NPEPL1: variants seen among roughly 807,000 people sequenced by gnomAD.
The protein encoded by NPEPL1 is probable aminopeptidase NPEPL1.
NPEPL1 carries 45 observed loss-of-function variants against 52.4 expected under a neutral mutation model. The observed-to-expected ratio is 0.86, with a 90% CI of 0.68 to 1.10. The LOEUF (loss-of-function observed/expected upper bound fraction) is 1.10, where lower values mean the gene tolerates loss of function less well. Ranked by LOEUF, NPEPL1 falls within the 50% of genes least tolerant of loss-of-function variation. The probability of loss-of-function intolerance (pLI) is 0.00; values close to 1 mark genes in which losing one functional copy is unlikely to be tolerated. For missense variants in NPEPL1, 696 were observed against 710.9 expected (o/e 0.98, Z 0.24); for synonymous variants, 360 against 314.7 (o/e 1.14, Z -1.52).
At chr20:58,697,016 C>T (rs745942961) in intron 3 of NPEPL1, among the ~76,000 whole-genome samples, 8 of 152,242 alleles carry the variant, frequency 5.3e-5, no homozygotes, top group Non-Finnish European at 1.0e-4. Context: ...ACCTTCCAGT[C>T]CCCACCCAGG....
Position 58,713,399 on chromosome 20 carries a change from G to T in NPEPL1, c.1002-21G>T. ...TCCCAGGAAATCCCGTCCCTGAGCG[G>T]GGATCTCTACCATGCCCCAGGACGG... On this transcript the variant is annotated intron_variant, in intron 8 of 11. Coordinates refer to ENST00000356091, the MANE Select transcript of NPEPL1 (RefSeq NM_024663.4). This position sits in a 1 kb window ranked among gnomAD's most constrained non-coding sequence, Gnocchi z 4.6. 6.3e-7 allele frequency: 1 copy of T among 1,580,168 alleles called. No homozygotes were observed. The highest frequency in any genetic ancestry group is 2.3e-5 in the East Asian group (1 of 43,556).
chr20:58,694,367 G>A (rs887170968), intron 2 of NPEPL1, 55 bp from the exon 3 acceptor site: 11 of 1,528,606 alleles, frequency 7.2e-6, no homozygotes, highest in Non-Finnish European at 8.8e-6. Context: ...GCAGCTCCCT[G>A]CACTCCCTGG....
chr20:58,689,187 T>C (rs1475946262), upstream of NPEPL1: 2 of 152,274 alleles, frequency 1.3e-5, no homozygotes, highest in Non-Finnish European at 2.9e-5. Context: ...TCCAGTTACT[T>C]GCAAGGTCAA....
At chr20:58,704,328 C>T (rs934983930) in intron 6 of NPEPL1, 1 of 985,428 alleles carries the variant, frequency 1.0e-6, no homozygotes, top group East Asian at 1.1e-4. Context: ...ATTTCAAGGG[C>T]AGCTCAAGAC....
intron 11 of NPEPL1, 56 bp from the exon 12 acceptor site, chr20:58,715,112 C>A: frequency 6.5e-7 from 1 of 1,529,470 alleles, no homozygotes; most frequent in Admixed American, 2.1e-5. Context: ...TCCCCAGGAA[C>A]CCCTCCTGTG....
At chr20:58,710,196 G>C (rs1160998365) in intron 7 of NPEPL1, among the ~76,000 whole-genome samples, 2 of 152,018 alleles carry the variant, frequency 1.3e-5, no homozygotes, top group East Asian at 1.9e-4. Flanking sequence ...CACCACCCTT[G>C]GCTAATTTTT....
upstream of NPEPL1, chr20:58,691,317 C>G (rs926923845): frequency 1.1e-5 from 5 of 435,664 alleles, no homozygotes; most frequent in African/African-American, 2.2e-5. Flanking sequence ...ACTTTTATGT[C>G]GGGAAAGCTG....
At position 58,714,014 on chromosome 20, in the gene NPEPL1, T is replaced by G. The variant is rs1215584713; in HGVS notation, c.1223T>G (p.Val408Gly). 1 of 1,527,550 alleles carries G rather than the reference T, an allele frequency of 6.5e-7. No individual in the cohort carries two copies. Among genetic ancestry groups the G allele is most frequent in the East Asian group, 2.5e-5 (1 of 40,096 alleles). The allele number at this position is 1,527,550 out of a possible 1,614,324, so 94.6% of individuals were successfully genotyped here. A position where few individuals can be genotyped will look rare whatever the true frequency, so the allele number is the denominator to read the frequency against. ...GCGGGCAGGAAGTGTGGGGACCTGG[T>G]GCACCCGCTGGTCTACTGCCCCGAG... Reference protein sequence around the residue: ...VKAGRKCGDLVHPLVYCPELH... With the variant: ...VKAGRKCGDLGHPLVYCPELH... Residue 408 changes from valine to glycine, a missense_variant, in exon 10 of 12, where the codon GTG becomes GGG. Coordinates refer to ENST00000356091, the MANE Select transcript of NPEPL1 (RefSeq NM_024663.4).
intron 6 of NPEPL1, among the ~76,000 whole-genome samples, chr20:58,705,755 G>C (rs1488932733): frequency 6.6e-6 from 1 of 152,200 alleles, no homozygotes; most frequent in East Asian, 1.9e-4. Flanking sequence ...GCTGTGACGG[G>C]GGAGACATGG....
At chr20:58,712,689 G>T (rs192974583) in intron 8 of NPEPL1, 110 bp downstream of exon 8, 29 of 818,594 alleles carry the variant, frequency 3.5e-5, no homozygotes, top group African/African-American at 3.5e-4. Context: ...CAGCGTTGGG[G>T]TCCCCTGGGC....
At chr20:58,698,662 G>A (rs750284131) in intron 3 of NPEPL1, 22 bp from the exon 4 acceptor site, 5 of 1,607,408 alleles carry the variant, frequency 3.1e-6, no homozygotes, top group Non-Finnish European at 4.3e-6. Flanking sequence ...CTGGTCCCCA[G>A]TGATGGCCTT....
chr20:58,708,254 G>T (rs750279143), intron 7 of NPEPL1, among the ~76,000 whole-genome samples: 17 of 152,252 alleles, frequency 1.1e-4, no homozygotes, highest in Non-Finnish European at 2.4e-4. Context: ...CTGGCCGTGA[G>T]GGAGGAGGAG....
upstream of NPEPL1, chr20:58,691,292 A>T (rs566102137): frequency 1.5e-6 from 1 of 655,690 alleles, no homozygotes; most frequent in East Asian, 2.7e-5. Flanking sequence ...AGAAAATAAG[A>T]TCCAATTAGC....
upstream of NPEPL1, chr20:58,691,016 G>T (rs200804226): frequency 5.8e-6 from 4 of 689,050 alleles, no homozygotes; most frequent in South Asian, 4.5e-5. Flanking sequence ...CATATTCTGC[G>T]TCTGTGTTTC....
chr20:58,713,606 C>T lies in NPEPL1; in HGVS notation c.1125+63C>T. Reference sequence around the variant, plus strand: ...CAGGGAACCCCACCCCACTCTTGACCTCAAGGTGGGGAAGGCAGCGCGTGG... The same window carrying T: ...CAGGGAACCCCACCCCACTCTTGACTTCAAGGTGGGGAAGGCAGCGCGTGG... On this transcript the variant is annotated intron_variant, in intron 9 of 11. Transcript: ENST00000356091. The surrounding 1 kb of genome is among the most constrained non-coding windows in gnomAD (Gnocchi z 4.6). 1 of 1,497,986 alleles carries T rather than the reference C, an allele frequency of 6.7e-7. No individual in the cohort carries two copies. The highest frequency in any genetic ancestry group is 8.9e-7 in the Non-Finnish European group (1 of 1,119,072). 92.8% of individuals were successfully genotyped at this position (1,497,986 alleles called of 1,614,324 possible). A position where few individuals can be genotyped will look rare whatever the true frequency, so the allele number is the denominator to read the frequency against.
intron 3 of NPEPL1, among the ~76,000 whole-genome samples, chr20:58,696,611 C>T (rs2084496684): frequency 1.3e-5 from 2 of 152,224 alleles, no homozygotes; most frequent in African/African-American, 4.8e-5. Flanking sequence ...TGCCCAGTGC[C>T]GTGCCTTGAG....
intron 5 of NPEPL1, 49 bp from the exon 6 acceptor site, chr20:58,700,967 C>T (rs1398985040): frequency 7.8e-6 from 11 of 1,417,490 alleles, no homozygotes; most frequent in Admixed American, 2.8e-5. Flanking sequence ...GGGAGTTCCC[C>T]GCTCAGCTCA....
At chr20:58,695,087 TG>T in intron 3 of NPEPL1, among the ~76,000 whole-genome samples, 2 of 148,784 alleles carry the variant, frequency 1.3e-5, no homozygotes, top group African/African-American at 2.5e-5. Flanking sequence ...GTGGTGTACG[TG>T]TGGTATGTGT....
chr20:58,710,602 C>T (rs1283482905), intron 7 of NPEPL1, among the ~76,000 whole-genome samples: 1 of 152,212 alleles, frequency 6.6e-6, no homozygotes, highest in Non-Finnish European at 1.5e-5. Flanking sequence ...CCCACGCTGT[C>T]GCTGAAGCAC....
Sources: allele counts gnomAD v4.1 joint callset (sites outside exome capture counted in the v4.1 genomes callset), GRCh38; gene constraint gnomAD v4.1.1; non-coding constraint Gnocchi (gnomAD v3.1); transcripts MANE v1.5; gene names NCBI Gene and HGNC (gene_info 2026-07-23, HGNC 2026-07-21).